TMEM163: variants seen among roughly 807,000 people sequenced by gnomAD.
The protein encoded by TMEM163 is transmembrane protein 163.
TMEM163 carries 17 observed loss-of-function variants against 29.3 expected under a neutral mutation model. The observed-to-expected ratio is 0.58, with a 90% CI of 0.40 to 0.87. TMEM163 has a LOEUF of 0.87. Among genes scored for constraint, TMEM163 ranks in the 40% least tolerant of loss-of-function variants. The pLI is 0.00. For missense variants in TMEM163, 303 were observed against 381.5 expected, an observed-to-expected ratio of 0.79 and a Z score of 1.71; for synonymous variants, 157 against 160.6, an observed-to-expected ratio of 0.98 and a Z score of 0.17.
At chr2:134,661,006 G>A (rs1186069482) in intron 2 of TMEM163, among the ~76,000 whole-genome samples, 1 of 152,192 alleles carries the variant, frequency 6.6e-6, no homozygotes, top group Non-Finnish European at 1.5e-5. Flanking sequence ...TGGGGGCACT[G>A]CCCTCATTAA....
intron 2 of TMEM163, among the ~76,000 whole-genome samples, chr2:134,691,537 C>T (rs1037372136): frequency 2.6e-5 from 4 of 152,222 alleles, no homozygotes; most frequent in Admixed American, 6.5e-5. Flanking sequence ...TACACACACA[C>T]GTGCATGTAC....
chr2:134,483,651 C>T (rs1279189343), intron 5 of TMEM163, among the ~76,000 whole-genome samples: 1 of 152,186 alleles, frequency 6.6e-6, no homozygotes, highest in African/African-American at 2.4e-5. Flanking sequence ...ACTCCTGCCC[C>T]CCGGCCTTAA....
intron 2 of TMEM163, among the ~76,000 whole-genome samples, chr2:134,671,563 C>T (rs1386896724): frequency 6.6e-6 from 1 of 152,232 alleles, no homozygotes; most frequent in Non-Finnish European, 1.5e-5. Flanking sequence ...CCACAGCTCT[C>T]TGCTCCTTGC....
intron 2 of TMEM163, among the ~76,000 whole-genome samples, chr2:134,669,857 T>A (rs1030958170): frequency 1.3e-5 from 2 of 152,068 alleles, no homozygotes; most frequent in Admixed American, 1.3e-4. Context: ...AGAAGAGAGA[T>A]GGACAAACAG....
chr2:134,710,439 G>A (rs573603215), intron 2 of TMEM163, among the ~76,000 whole-genome samples: 2 of 152,260 alleles, frequency 1.3e-5, no homozygotes, highest in South Asian at 4.1e-4. Context: ...AATGGCAGCT[G>A]AGGAGGTGAA....
chr2:134,595,708 T>A (rs1682062715), intron 2 of TMEM163, among the ~76,000 whole-genome samples: 1 of 152,232 alleles, frequency 6.6e-6, no homozygotes, highest in Admixed American at 6.5e-5. Context: ...TCCACAATGG[T>A]TGAACTAGTT....
At chr2:134,700,166 T>C (rs1485023052) in intron 2 of TMEM163, among the ~76,000 whole-genome samples, 1 of 152,248 alleles carries the variant, frequency 6.6e-6, no homozygotes, top group Admixed American at 6.5e-5. Flanking sequence ...ATTTGTATTA[T>C]GTATTTCACT....
chr2:134,645,952 G>A (rs1314243432), intron 2 of TMEM163, among the ~76,000 whole-genome samples: 1 of 152,138 alleles, frequency 6.6e-6, no homozygotes, highest in African/African-American at 2.4e-5. Flanking sequence ...TTTACTCTAT[G>A]CTAAGTTAGA....
chr2:134,540,415 C>T (rs942684720), intron 4 of TMEM163, among the ~76,000 whole-genome samples: 18 of 152,226 alleles, frequency 1.2e-4, no homozygotes, highest in Non-Finnish European at 2.4e-4. Context: ...GAACCAAAGC[C>T]CAGGACTGCA....
chr2:134,582,366 G>A (rs557341352), intron 2 of TMEM163, among the ~76,000 whole-genome samples: 9 of 152,314 alleles, frequency 5.9e-5, no homozygotes, highest in East Asian at 3.9e-4. Flanking sequence ...TGCGGGGGCC[G>A]CTGCTAAGTG....
intron 4 of TMEM163, among the ~76,000 whole-genome samples, chr2:134,534,321 C>G (rs1229214862): frequency 6.6e-6 from 1 of 152,090 alleles, no homozygotes. Flanking sequence ...GTAGGCTACA[C>G]CAACAGAACA....
At chr2:134,705,176 C>T (rs1449602073) in intron 2 of TMEM163, among the ~76,000 whole-genome samples, 3 of 151,254 alleles carry the variant, frequency 2.0e-5, no homozygotes, top group African/African-American at 7.3e-5. Flanking sequence ...CACCACTGCA[C>T]TCCAGCCTGG....
intron 2 of TMEM163, among the ~76,000 whole-genome samples, chr2:134,707,058 A>G (rs995816836): frequency 6.6e-6 from 1 of 152,212 alleles, no homozygotes; most frequent in African/African-American, 2.4e-5. Flanking sequence ...GCACACCCAC[A>G]GGGAGCACTT....
At chr2:134,593,809 ATTT>A (rs199837410) in intron 2 of TMEM163, among the ~76,000 whole-genome samples, 1 of 144,958 alleles carries the variant, frequency 6.9e-6, no homozygotes, top group Non-Finnish European at 1.5e-5. Flanking sequence ...GACTCTGGGA[ATTT>A]TTTTTTTTTT....
chr2:134,604,213 A>G (rs2104812107), intron 2 of TMEM163, among the ~76,000 whole-genome samples: 1 of 152,286 alleles, frequency 6.6e-6, no homozygotes, highest in Non-Finnish European at 1.5e-5. Context: ...AGGCCTGCCC[A>G]AGGACGCCTG....
chr2:134,474,831 T>C (rs1467585906), intron 5 of TMEM163, among the ~76,000 whole-genome samples: 1 of 152,122 alleles, frequency 6.6e-6, no homozygotes, highest in Non-Finnish European at 1.5e-5. Context: ...AACTACAAAA[T>C]ATTACGGAGA....
intron 2 of TMEM163, among the ~76,000 whole-genome samples, chr2:134,574,867 C>G (rs1229628329): frequency 6.6e-6 from 1 of 152,208 alleles, no homozygotes; most frequent in African/African-American, 2.4e-5. Flanking sequence ...TGCTGAAACC[C>G]AGGCCGTTAG....
chr2:134,576,909 G>A (rs892016131), intron 2 of TMEM163, among the ~76,000 whole-genome samples: 3 of 152,186 alleles, frequency 2.0e-5, no homozygotes, highest in Non-Finnish European at 4.4e-5. Context: ...TCACTGCTGA[G>A]ATGCTGCAGA....
chr2:134,460,181 G>A lies in TMEM163; in HGVS notation c.668-2008C>T, dbSNP rs1261290723. Among the ~76,000 whole-genome samples the A allele has an allele frequency of 1.3e-5, 2 of 151,230 alleles. No homozygotes were observed. Among genetic ancestry groups the A allele is most frequent in the Non-Finnish European group, 2.9e-5 (2 of 67,918 alleles). Reference sequence around the variant, plus strand: ...ACAGCCAGAGGGACCCTCTGTCGGTGAGCAGCAGCCAGACTCTCCCGCAGG... The same window carrying A: ...ACAGCCAGAGGGACCCTCTGTCGGTAAGCAGCAGCCAGACTCTCCCGCAGG... On this transcript the variant is annotated intron_variant, in intron 6 of 7. Transcript: ENST00000281924. This position sits in a 1 kb window ranked among gnomAD's most constrained non-coding sequence, Gnocchi z 4.3.
Sources: allele counts gnomAD v4.1 joint callset (sites outside exome capture counted in the v4.1 genomes callset), GRCh38; gene constraint gnomAD v4.1.1; non-coding constraint Gnocchi (gnomAD v3.1); transcripts MANE v1.5; gene names NCBI Gene and HGNC (gene_info 2026-07-23, HGNC 2026-07-21).